Variants in NXPE2 observed in about 807,000 individuals in gnomAD.
The protein encoded by NXPE2 is neurexophilin and PC-esterase domain family member 2, also known as NXPE family member 2.
Under a neutral mutation model 34.4 loss-of-function variants are expected in NXPE2, and 34 were observed. That is an observed-to-expected ratio of 0.99 (90% CI 0.75 to 1.31). The LOEUF (loss-of-function observed/expected upper bound fraction) is 1.31. Ranked by LOEUF, NXPE2 falls within the 40% of genes most tolerant of loss-of-function variation. The pLI, the probability that NXPE2 is intolerant of heterozygous loss-of-function variation, is 0.00. For missense variants in NXPE2, 649 were observed against 672.5 expected, an observed-to-expected ratio of 0.97 and a Z score of 0.39; for synonymous variants, 235 against 231.3, an observed-to-expected ratio of 1.02 and a Z score of -0.15.
At chr11:114,650,322 T>C in the NXPE2 span, among the ~76,000 whole-genome samples, 1 of 152,242 alleles carries the variant, frequency 6.6e-6, no homozygotes, top group African/African-American at 2.4e-5. Context: ...AGTGTGCTAA[T>C]TTGGAATAGC....
chr11:114,790,704 T>C, the NXPE2 span, among the ~76,000 whole-genome samples: 1 of 152,214 alleles, frequency 6.6e-6, no homozygotes, highest in Non-Finnish European at 1.5e-5. Flanking sequence ...ATCTTGGTCC[T>C]GCACCAAGCC....
At chr11:114,751,131 TG>T in the NXPE2 span, among the ~76,000 whole-genome samples, 1 of 152,204 alleles carries the variant, frequency 6.6e-6, no homozygotes, top group South Asian at 2.1e-4. Context: ...GAAGCATGCA[TG>T]GGCTTTTTAT....
the NXPE2 span, among the ~76,000 whole-genome samples, chr11:114,491,051 A>G: frequency 6.7e-6 from 1 of 149,056 alleles, no homozygotes; most frequent in Non-Finnish European, 1.5e-5. Flanking sequence ...AGTCCCAGCT[A>G]CTTGGGAGGC....
upstream of NXPE2, among the ~76,000 whole-genome samples, chr11:114,676,041 A>G (rs977440894): frequency 5.9e-5 from 9 of 151,976 alleles, no homozygotes; most frequent in African/African-American, 2.2e-4. Flanking sequence ...AGAACTGCAT[A>G]TCCACATGTG....
At chr11:114,642,614 T>G in the NXPE2 span, among the ~76,000 whole-genome samples, 102 of 152,128 alleles carry the variant, frequency 6.7e-4, 1 homozygote, top group Non-Finnish European at 1.2e-3. Flanking sequence ...GATGGCTGCA[T>G]GGTATTCCAT....
the NXPE2 span, among the ~76,000 whole-genome samples, chr11:114,652,490 T>C: frequency 6.6e-6 from 1 of 152,214 alleles, no homozygotes; most frequent in Non-Finnish European, 1.5e-5. Flanking sequence ...AATTCTCTAC[T>C]ATATAATGAG....
chr11:114,521,033 T>G, the NXPE2 span, among the ~76,000 whole-genome samples: 13 of 152,336 alleles, frequency 8.5e-5, no homozygotes, highest in African/African-American at 3.1e-4. Flanking sequence ...GATCTCTGCC[T>G]TATTTACTTA....
At chr11:114,624,432 A>G in the NXPE2 span, among the ~76,000 whole-genome samples, 1 of 152,156 alleles carries the variant, frequency 6.6e-6, no homozygotes, top group African/African-American at 2.4e-5. Context: ...ACTGGATAAT[A>G]ATTATTGCCT....
At chr11:114,569,250 G>A in the NXPE2 span, among the ~76,000 whole-genome samples, 1 of 152,108 alleles carries the variant, frequency 6.6e-6, no homozygotes, top group Non-Finnish European at 1.5e-5. Context: ...TAATCACATT[G>A]CTCTATTCAA....
chr11:114,725,993 A>AG, the NXPE2 span, among the ~76,000 whole-genome samples: 1 of 127,392 alleles, frequency 7.8e-6, no homozygotes, highest in Non-Finnish European at 1.7e-5. Flanking sequence ...ATATATATAT[A>AG]AAAAGAAAAA....
At chr11:114,780,913 T>C in the NXPE2 span, among the ~76,000 whole-genome samples, 2 of 151,772 alleles carry the variant, frequency 1.3e-5, no homozygotes, top group Non-Finnish European at 2.9e-5. Context: ...GGATGTGGCG[T>C]TGGGGGAGGA....
the NXPE2 span, among the ~76,000 whole-genome samples, chr11:114,635,722 T>C: frequency 2.6e-5 from 4 of 152,184 alleles, no homozygotes; most frequent in Admixed American, 1.3e-4. Context: ...ATTGAGATAA[T>C]CATGTGGTTT....
At chr11:114,781,234 G>C in the NXPE2 span, among the ~76,000 whole-genome samples, 3 of 152,136 alleles carry the variant, frequency 2.0e-5, no homozygotes, top group Non-Finnish European at 2.9e-5. Flanking sequence ...CCTGAACCTG[G>C]TCTCTACTCA....
chr11:114,778,293 G>A, the NXPE2 span, among the ~76,000 whole-genome samples: 7 of 152,204 alleles, frequency 4.6e-5, no homozygotes, highest in Non-Finnish European at 1.0e-4. Context: ...ACAAGGATGA[G>A]AGAGTTAGAC....
At chr11:114,465,687 A>G in the NXPE2 span, among the ~76,000 whole-genome samples, 1 of 152,134 alleles carries the variant, frequency 6.6e-6, no homozygotes, top group Non-Finnish European at 1.5e-5. Context: ...TATTTATTTT[A>G]CAATAAAAAT....
the NXPE2 span, among the ~76,000 whole-genome samples, chr11:114,469,998 T>A: frequency 6.6e-6 from 1 of 152,392 alleles, no homozygotes; most frequent in South Asian, 2.1e-4. Flanking sequence ...TATTTTGTGA[T>A]ATCCATGTTT....
chr11:114,469,528 C>T, the NXPE2 span, among the ~76,000 whole-genome samples: 8 of 151,572 alleles, frequency 5.3e-5, no homozygotes, highest in Non-Finnish European at 1.2e-4. Context: ...CTCGCACTCT[C>T]GCCTGGGCTA....
the NXPE2 span, among the ~76,000 whole-genome samples, chr11:114,608,986 A>G: frequency 1.3e-5 from 2 of 151,942 alleles, no homozygotes; most frequent in South Asian, 2.1e-4. Context: ...GTGGGTAACC[A>G]CTGTTGCCAG....
the NXPE2 span, among the ~76,000 whole-genome samples, chr11:114,611,601 C>T: frequency 6.6e-6 from 1 of 151,484 alleles, no homozygotes; most frequent in Non-Finnish European, 1.5e-5. Context: ...TCGTGGGTCA[C>T]AATTCTTACC....
Sources: allele counts gnomAD v4.1 joint callset (sites outside exome capture counted in the v4.1 genomes callset), GRCh38; gene constraint gnomAD v4.1.1; transcripts MANE v1.5; gene names NCBI Gene and HGNC (gene_info 2026-07-23, HGNC 2026-07-21).